SORCS1: variants seen among roughly 807,000 people sequenced by gnomAD.
The protein encoded by SORCS1 is sortilin related VPS10 domain containing receptor 1.
SORCS1 carries 60 observed loss-of-function variants against 146.1 expected under a neutral mutation model. The observed-to-expected ratio is 0.41, with a 90% confidence interval of 0.33 to 0.51. The LOEUF is 0.51. Among genes scored for constraint, SORCS1 ranks in the 20% least tolerant of loss-of-function variants. The pLI, the probability that SORCS1 is intolerant of heterozygous loss-of-function variation, is 0.21. For missense variants in SORCS1, 1,352 were observed against 1,487.6 expected (o/e 0.91, Z 1.50); for synonymous variants, 637 against 584.0 (o/e 1.09, Z -1.31).
intron 1 of SORCS1, among the ~76,000 whole-genome samples, chr10:107,052,246 G>C (rs986165552): frequency 3.9e-5 from 6 of 152,048 alleles, no homozygotes; most frequent in Non-Finnish European, 7.4e-5. Flanking sequence ...TCAGCACTGG[G>C]AATCTATGGA....
At chr10:106,793,750 C>T (rs1217828922) in intron 3 of SORCS1, among the ~76,000 whole-genome samples, 1 of 152,216 alleles carries the variant, frequency 6.6e-6, no homozygotes, top group East Asian at 1.9e-4. Context: ...ATAGCTATTT[C>T]CAGCCAAATG....
chr10:107,154,895 A>G (rs1011551472), intron 1 of SORCS1, among the ~76,000 whole-genome samples: 10 of 152,216 alleles, frequency 6.6e-5, no homozygotes, highest in African/African-American at 2.4e-4. Context: ...AAGCCACCAT[A>G]TAAGAAATAT....
At chr10:107,053,145 C>G (rs1681870771) in intron 1 of SORCS1, among the ~76,000 whole-genome samples, 2 of 151,784 alleles carry the variant, frequency 1.3e-5, no homozygotes. Context: ...TTATTTCACT[C>G]TACTGTCTAA....
intron 1 of SORCS1, among the ~76,000 whole-genome samples, chr10:107,007,964 C>T (rs545746549): frequency 6.6e-6 from 1 of 151,978 alleles, no homozygotes; most frequent in South Asian, 2.1e-4. Context: ...TCAGCTCCTC[C>T]CATGATAATA....
chr10:107,033,874 G>A (rs781440791), intron 1 of SORCS1, among the ~76,000 whole-genome samples: 10 of 152,186 alleles, frequency 6.6e-5, no homozygotes, highest in Non-Finnish European at 1.5e-4. Flanking sequence ...TTCCAGCCAT[G>A]TGGGGTGAGG....
At chr10:106,638,882 A>C (rs903283744) in intron 18 of SORCS1, among the ~76,000 whole-genome samples, 1 of 152,222 alleles carries the variant, frequency 6.6e-6, no homozygotes, top group Non-Finnish European at 1.5e-5. Flanking sequence ...TGTAAATTAA[A>C]GATGGTAGGA....
chr10:106,986,041 G>C (rs938773494), intron 1 of SORCS1, among the ~76,000 whole-genome samples: 1 of 151,986 alleles, frequency 6.6e-6, no homozygotes, highest in Non-Finnish European at 1.5e-5. Context: ...TAAAAGTTAA[G>C]AATCAACCTC....
intron 1 of SORCS1, among the ~76,000 whole-genome samples, chr10:107,050,107 C>A (rs1959966796): frequency 6.6e-6 from 1 of 152,178 alleles, no homozygotes; most frequent in African/African-American, 2.4e-5. Context: ...AAAACCTTAA[C>A]CCTTAACTTT....
At chr10:106,698,357 C>T (rs550747136) in intron 9 of SORCS1, among the ~76,000 whole-genome samples, 8 of 152,266 alleles carry the variant, frequency 5.3e-5, no homozygotes, top group South Asian at 4.2e-4. Context: ...ATATCTGAAT[C>T]CATTTTAGAT....
intron 1 of SORCS1, among the ~76,000 whole-genome samples, chr10:107,132,663 T>C (rs1020219896): frequency 6.6e-6 from 1 of 152,148 alleles, no homozygotes. Flanking sequence ...CTACTTTATG[T>C]GAAAATCAAC....
chr10:106,763,360 C>T (rs112196016), intron 4 of SORCS1, among the ~76,000 whole-genome samples: 71 of 152,274 alleles, frequency 4.7e-4, no homozygotes, highest in African/African-American at 1.7e-3. Context: ...CTGTGGACCA[C>T]TCAGGTATGT....
At chr10:106,639,383 T>C (rs1848920053) in intron 18 of SORCS1, among the ~76,000 whole-genome samples, 1 of 152,224 alleles carries the variant, frequency 6.6e-6, no homozygotes, top group African/African-American at 2.4e-5. Flanking sequence ...CTGTCAGTAA[T>C]GAGCCAGGTA....
chr10:106,907,354 A>C (rs1564797083), intron 2 of SORCS1, among the ~76,000 whole-genome samples: 1 of 152,232 alleles, frequency 6.6e-6, no homozygotes, highest in African/African-American at 2.4e-5. Flanking sequence ...AAATACGATT[A>C]GTACACACTG....
rs760812204 is a variant in SORCS1, at chr10:106,891,504, C to CTTT, written c.627-61834_627-61832dup. Among the ~76,000 whole-genome samples, 10 of 97,272 alleles carry CTTT rather than the reference C, an allele frequency of 1.0e-4. 2 individuals are homozygous for CTTT. The highest frequency in any genetic ancestry group is 2.5e-4 in the African/African-American group (7 of 27,990). 63.8% of individuals were successfully genotyped at this position (97,272 alleles called of 152,430 possible). On this transcript the variant is annotated intron_variant, in intron 2 of 25. Coordinates refer to ENST00000263054, the MANE Select transcript of SORCS1 (RefSeq NM_052918.5). ...GTAATCAGAAGTTTCAATGGGAATT[C>CTTT]TTTTTTTTTTTTTGAGAAAAGACCT...
chr10:106,840,222 G>A (rs1423362554), intron 2 of SORCS1, among the ~76,000 whole-genome samples: 2 of 152,208 alleles, frequency 1.3e-5, no homozygotes, highest in African/African-American at 4.8e-5. Flanking sequence ...CACCATTCTA[G>A]AAGCCATTAA....
At chr10:107,118,735 T>C (rs1966207000) in intron 1 of SORCS1, among the ~76,000 whole-genome samples, 2 of 152,188 alleles carry the variant, frequency 1.3e-5, no homozygotes, top group South Asian at 2.1e-4. Context: ...AGTAACTACA[T>C]TTTTTTCTTG....
At chr10:106,938,679 G>C (rs931457023) in intron 2 of SORCS1, among the ~76,000 whole-genome samples, 4 of 152,154 alleles carry the variant, frequency 2.6e-5, no homozygotes, top group Admixed American at 1.3e-4. Flanking sequence ...ACAGTTTTGC[G>C]GTTCTGTAGA....
chr10:106,651,065 T>C (rs180770077), intron 18 of SORCS1, among the ~76,000 whole-genome samples: 1 of 152,266 alleles, frequency 6.6e-6, no homozygotes, highest in East Asian at 1.9e-4. Context: ...TTTGGGCATC[T>C]TAGTATTTAG....
chr10:107,142,740 ATAGG>A (rs1967951583), intron 1 of SORCS1, among the ~76,000 whole-genome samples: 1 of 152,180 alleles, frequency 6.6e-6, no homozygotes, highest in Non-Finnish European at 1.5e-5. Flanking sequence ...TCACTAGATC[ATAGG>A]TAGGGTGACA....
Sources: gnomAD v4.1 joint callset for allele counts (sites outside exome capture counted in the v4.1 genomes callset) on GRCh38, gnomAD v4.1.1 for gene constraint, MANE v1.5 for transcripts, NCBI Gene and HGNC (gene_info 2026-07-23, HGNC 2026-07-21) for gene names.